ARHGEF3: variants seen among roughly 807,000 people sequenced by gnomAD.
ARHGEF3 encodes 59.8 kDA protein.
ARHGEF3 carries 28 observed loss-of-function variants against 63.2 expected under a neutral mutation model. The observed-to-expected ratio is 0.44, with a 90% CI of 0.33 to 0.61. The LOEUF (loss-of-function observed/expected upper bound fraction) is 0.61, where lower values mean the gene tolerates loss of function less well. Ranked by LOEUF, ARHGEF3 falls within the 20% of genes least tolerant of loss-of-function variation. ARHGEF3 has a pLI of 0.03. For synonymous variants in ARHGEF3, 266 were observed against 254.2 expected (o/e 1.05, Z -0.44); for missense variants, 533 against 659.3 (o/e 0.81, Z 2.10).
intron 2 of ARHGEF3, among the ~76,000 whole-genome samples, chr3:57,017,036 A>T (rs59196861): frequency 0.026 from 2,307 of 90,072 alleles, 50 homozygotes; most frequent in African/African-American, 0.085. Flanking sequence ...TCTCTCTCAC[A>T]CACACACACA....
chr3:56,794,356 C>T (rs372200372), intron 1 of ARHGEF3, among the ~76,000 whole-genome samples: 2 of 151,712 alleles, frequency 1.3e-5, no homozygotes, highest in Non-Finnish European at 1.5e-5. Flanking sequence ...GGCGTGGTGG[C>T]GTGTGCCTGT....
chr3:56,956,262 CT>C (rs1266843396), intron 3 of ARHGEF3, among the ~76,000 whole-genome samples: 3 of 147,750 alleles, frequency 2.0e-5, no homozygotes, highest in Admixed American at 1.4e-4. Context: ...TGAATTATTA[CT>C]TTTTTTTAAA....
intron 4 of ARHGEF3, among the ~76,000 whole-genome samples, chr3:56,868,068 CA>C (rs2040315168): frequency 6.6e-6 from 1 of 152,010 alleles, no homozygotes; most frequent in Admixed American, 6.5e-5. Flanking sequence ...TGGCTCATTT[CA>C]AACAACCTCG....
intron 1 of ARHGEF3, among the ~76,000 whole-genome samples, chr3:56,778,735 A>G (rs2036403452): frequency 6.6e-6 from 1 of 152,054 alleles, no homozygotes; most frequent in South Asian, 2.1e-4. Context: ...GGGTCTTGCC[A>G]TGTTTCCCAG....
At chr3:56,764,855 C>T (rs774015151) in intron 2 of ARHGEF3, among the ~76,000 whole-genome samples, 1 of 150,794 alleles carries the variant, frequency 6.6e-6, no homozygotes, top group East Asian at 1.9e-4. Flanking sequence ...CTCCCGGGTT[C>T]GAGCAATTCT....
chr3:57,030,884 C>A (rs914995311), intron 2 of ARHGEF3, among the ~76,000 whole-genome samples: 7 of 152,192 alleles, frequency 4.6e-5, no homozygotes, highest in African/African-American at 1.4e-4. Context: ...AATAGTCCTC[C>A]TCACAATAAA....
chr3:56,844,749 C>T (rs2039428167), intron 4 of ARHGEF3, among the ~76,000 whole-genome samples: 1 of 152,106 alleles, frequency 6.6e-6, no homozygotes, highest in Admixed American at 6.6e-5. Context: ...GTGACAACCC[C>T]AATGTTTTCT....
At position 57,021,830 on chromosome 3, in the gene ARHGEF3, G is replaced by A. The variant is rs550886514; in HGVS notation, c.62+13258C>T. On this transcript the variant is annotated intron_variant, in intron 2 of 12. Transcript: ENST00000338458. ...AAAAAAAGTCATACTGACTAGAAAGGAAGGGAAAACAAAATTGTATTAATT... is the reference window on the plus strand; with the variant it reads ...AAAAAAAGTCATACTGACTAGAAAGAAAGGGAAAACAAAATTGTATTAATT... Among the ~76,000 whole-genome samples the A allele has an allele frequency of 1.7e-4, 26 of 152,010 alleles. No homozygotes were observed. The South Asian group carries it at 3.9e-3, about 23-fold the overall frequency.
chr3:56,928,420 C>T (rs1226555019), intron 3 of ARHGEF3, among the ~76,000 whole-genome samples: 1 of 152,210 alleles, frequency 6.6e-6, no homozygotes, highest in East Asian at 1.9e-4. Flanking sequence ...GGCTTGCAGA[C>T]AGGCTCTGAA....
intron 3 of ARHGEF3, among the ~76,000 whole-genome samples, chr3:56,888,907 A>AAAAAACAAAAACAAAAAC (rs140687109): frequency 6.6e-6 from 1 of 151,258 alleles, no homozygotes; most frequent in Non-Finnish European, 1.5e-5. Flanking sequence ...CCATCTCAAA[A>AAAAAACAAAAACAAAAAC]AAAAACAAAA....
intron 3 of ARHGEF3, among the ~76,000 whole-genome samples, chr3:56,935,534 C>A (rs1698848576): frequency 6.6e-6 from 1 of 152,204 alleles, no homozygotes; most frequent in Non-Finnish European, 1.5e-5. Flanking sequence ...GTAACACTCA[C>A]CGTGAAGATC....
At chr3:56,861,790 C>T (rs1355137479) in intron 4 of ARHGEF3, among the ~76,000 whole-genome samples, 1 of 151,834 alleles carries the variant, frequency 6.6e-6, no homozygotes, top group African/African-American at 2.4e-5. Flanking sequence ...CCTCTTCCCA[C>T]AAAGCTATAG....
In ARHGEF3 at chr3:57,017,617, C is replaced by T. The variant is rs186901448; in HGVS notation, c.62+17471G>A. Reference sequence around the variant, plus strand: ...GAAGAAACAAACCCTTCCCTGCCCCCACCAGCTCCACGTCTGCAAGGACAG... The same window carrying T: ...GAAGAAACAAACCCTTCCCTGCCCCTACCAGCTCCACGTCTGCAAGGACAG... On this transcript the variant is annotated intron_variant, in intron 2 of 12. Transcript: ENST00000338458. 5.2e-3 allele frequency among the ~76,000 whole-genome samples: 799 copies of T among 152,322 alleles called. 6 individuals are homozygous for T. Among genetic ancestry groups the T allele is most frequent in the African/African-American group, 0.018 (760 of 41,558 alleles).
intron 3 of ARHGEF3, among the ~76,000 whole-genome samples, chr3:56,949,120 G>A (rs1176061051): frequency 6.6e-6 from 1 of 151,982 alleles, no homozygotes; most frequent in East Asian, 1.9e-4. Context: ...GTATTGATGG[G>A]ATGTATCTCA....
At chr3:57,018,931 T>A (rs908199643) in intron 2 of ARHGEF3, among the ~76,000 whole-genome samples, 1 of 152,156 alleles carries the variant, frequency 6.6e-6, no homozygotes, top group Non-Finnish European at 1.5e-5. Flanking sequence ...GATTCCAGCA[T>A]CTGTATTCTT....
chr3:56,858,158 C>T (rs1267057276), intron 4 of ARHGEF3, among the ~76,000 whole-genome samples: 1 of 146,452 alleles, frequency 6.8e-6, no homozygotes, highest in African/African-American at 2.5e-5. Context: ...GCAGGAGGAT[C>T]GCTTGAGCCT....
intron 1 of ARHGEF3, chr3:57,073,664 T>G (rs760695144): frequency 2.5e-6 from 4 of 1,589,126 alleles, no homozygotes; most frequent in Non-Finnish European, 3.4e-6. Flanking sequence ...AGCCTCCTTT[T>G]CTGGAGAATT....
At chr3:56,899,420 C>T (rs1437655633) in intron 3 of ARHGEF3, among the ~76,000 whole-genome samples, 1 of 152,170 alleles carries the variant, frequency 6.6e-6, no homozygotes, top group African/African-American at 2.4e-5. Context: ...CTTGAATACT[C>T]CCCTAACGTT....
chr3:56,911,846 T>G (rs1475711723), intron 3 of ARHGEF3, among the ~76,000 whole-genome samples: 1 of 151,680 alleles, frequency 6.6e-6, no homozygotes. Context: ...TGGGGGAGGA[T>G]CACTTGAGCC....
Sources: gnomAD v4.1 joint callset for allele counts (sites outside exome capture counted in the v4.1 genomes callset) on GRCh38, gnomAD v4.1.1 for gene constraint, MANE v1.5 for transcripts, NCBI Gene and HGNC (gene_info 2026-07-23, HGNC 2026-07-21) for gene names.